Variants in SYT14 observed in about 807,000 individuals in gnomAD.
The protein encoded by SYT14 is synaptotagmin-14.
SYT14 carries 32 observed loss-of-function variants against 74.2 expected under a neutral mutation model. The ratio of observed to expected loss-of-function variants is 0.43; its 90% confidence interval spans 0.33 to 0.58. SYT14 has a LOEUF of 0.58. Among genes scored for constraint, SYT14 ranks in the 20% least tolerant of loss-of-function variants. SYT14 has a pLI of 0.05. For missense variants in SYT14, 791 were observed against 981.8 expected, an observed-to-expected ratio of 0.81 and a Z score of 2.60; for synonymous variants, 298 against 337.7, an observed-to-expected ratio of 0.88 and a Z score of 1.29.
intron 7 of SYT14, among the ~76,000 whole-genome samples, chr1:210,132,987 C>A (rs956714721): frequency 5.9e-5 from 9 of 152,192 alleles, no homozygotes; most frequent in African/African-American, 2.2e-4. Context: ...AATCTGTACA[C>A]CATTCTCTGA....
Position 210,100,461 on chromosome 1 carries a change from TGTGA to T in SYT14, c.2034+3_2034+6del. On this transcript the variant is annotated splice_donor_variant and splice_donor_region_variant and intron_variant, in intron 7 of 9. Coordinates refer to ENST00000637265, the Ensembl canonical transcript of SYT14. LOFTEE classifies it high-confidence loss of function. ...TATTGGAACCTTCTTACAATCATTC[TGTGA>T]GTATCTCATCAAATGGCCTGAATAC... 1.2e-6 allele frequency: 2 copies of T among 1,612,418 alleles called. No homozygotes were observed. The highest frequency in any genetic ancestry group is 1.7e-6 in the Non-Finnish European group (2 of 1,179,428).
In SYT14 at chr1:209,938,334, C is replaced by T. The variant is rs565263445; in HGVS notation, c.-534+57C>T. 6.0e-5 allele frequency: 91 copies of T among 1,515,028 alleles called. No homozygotes were observed. The African/African-American group carries it at 1.1e-3, about 18-fold the overall frequency. 93.8% of individuals were successfully genotyped at this position (1,515,028 alleles called of 1,614,324 possible). ...CCGGGACCACCCAGCTGGCGGGGGG[C>T]TCGGAGGTGCGCCGGCAGGCCGAGG... is the stretch of plus-strand genomic sequence containing the variant. On this transcript the variant is annotated intron_variant, in intron 1 of 9. Transcript: ENST00000637265.
At chr1:209,941,362 A>C (rs1180386062) in intron 1 of SYT14, among the ~76,000 whole-genome samples, 2 of 152,188 alleles carry the variant, frequency 1.3e-5, no homozygotes, top group East Asian at 3.8e-4. Context: ...GCATTTTGAA[A>C]TATTGACAAT....
chr1:210,083,297 T>G (rs889827485), intron 5 of SYT14, among the ~76,000 whole-genome samples: 25 of 152,150 alleles, frequency 1.6e-4, no homozygotes, highest in Non-Finnish European at 3.2e-4. Context: ...AGCCGAGTAA[T>G]GGATTATTTC....
chr1:210,163,530 C>T, exon 10 of SYT14: 1 of 453,452 alleles, frequency 2.2e-6, no homozygotes, highest in South Asian at 1.6e-5. Context: ...CAAAGGTGCC[C>T]TGGCTTTTTC....
intron 5 of SYT14, among the ~76,000 whole-genome samples, chr1:210,082,352 G>C (rs1027508768): frequency 1.3e-5 from 2 of 152,126 alleles, no homozygotes; most frequent in African/African-American, 4.8e-5. Flanking sequence ...GCAAAGTTGA[G>C]AACCGAAGAG....
intron 7 of SYT14, among the ~76,000 whole-genome samples, chr1:210,146,818 T>A (rs1337532276): frequency 6.6e-6 from 1 of 151,162 alleles, no homozygotes; most frequent in Non-Finnish European, 1.5e-5. Flanking sequence ...TACATATATA[T>A]ACTACATGCA....
intron 7 of SYT14, among the ~76,000 whole-genome samples, chr1:210,126,221 A>C (rs558355286): frequency 1.3e-5 from 2 of 152,176 alleles, no homozygotes; most frequent in South Asian, 2.1e-4. Context: ...AAAAACAGAA[A>C]GGCAACATCC....
At chr1:210,068,124 G>A (rs1412170704) in intron 5 of SYT14, among the ~76,000 whole-genome samples, 2 of 151,764 alleles carry the variant, frequency 1.3e-5, no homozygotes, top group African/African-American at 4.8e-5. Context: ...TTTGTTCCTA[G>A]TTTGCTAAAA....
chr1:210,086,313 G>T (rs1259388426), intron 5 of SYT14, among the ~76,000 whole-genome samples: 1 of 152,124 alleles, frequency 6.6e-6, no homozygotes, highest in Non-Finnish European at 1.5e-5. Context: ...AAGATACTGT[G>T]TAACTACGTA....
chr1:210,046,541 T>C (rs1177406026), intron 5 of SYT14, among the ~76,000 whole-genome samples: 1 of 152,164 alleles, frequency 6.6e-6, no homozygotes, highest in Non-Finnish European at 1.5e-5. Flanking sequence ...ACTCTCACCC[T>C]CAGTATCAGG....
At chr1:210,161,646 G>A (rs966591037) in exon 10 of SYT14, 15 of 453,678 alleles carry the variant, frequency 3.3e-5, no homozygotes, top group African/African-American at 2.6e-4. Context: ...GTGCAAACAA[G>A]TATTCATTTT....
At chr1:210,098,312 A>G (rs1005401692) in intron 6 of SYT14, among the ~76,000 whole-genome samples, 1 of 151,918 alleles carries the variant, frequency 6.6e-6, no homozygotes, top group Non-Finnish European at 1.5e-5. Flanking sequence ...CAACAAAAAG[A>G]CCCCTAGCCC....
chr1:210,149,115 G>A lies in SYT14; in HGVS notation c.2035-6606G>A, dbSNP rs572997736. ...AATGCTAATTAAATATGTTCATATC[G>A]AATACAGCAAAAAAGTGCATATGTA... On this transcript the variant is annotated intron_variant, in intron 7 of 9. Coordinates refer to ENST00000637265, the Ensembl canonical transcript of SYT14. Among the ~76,000 whole-genome samples, 69 of 149,742 alleles carry A rather than the reference G, an allele frequency of 4.6e-4. 1 individual carries two copies. The highest frequency in any genetic ancestry group is 1.7e-3 in the African/African-American group (69 of 40,728).
intron 7 of SYT14, among the ~76,000 whole-genome samples, chr1:210,111,982 G>A (rs1284890699): frequency 6.6e-6 from 1 of 151,150 alleles, no homozygotes; most frequent in Non-Finnish European, 1.5e-5. Flanking sequence ...GGGCATGAAG[G>A]TTTCACTGAA....
At chr1:210,059,153 A>G (rs1204041050) in intron 5 of SYT14, among the ~76,000 whole-genome samples, 2 of 152,006 alleles carry the variant, frequency 1.3e-5, no homozygotes, top group East Asian at 3.9e-4. Context: ...TTTAAATTCT[A>G]CTAGATTCTT....
chr1:210,121,793 CAAA>C (rs71146207), intron 7 of SYT14, among the ~76,000 whole-genome samples: 6 of 92,546 alleles, frequency 6.5e-5, no homozygotes, highest in African/African-American at 1.7e-4. Flanking sequence ...GACCCCATTT[CAAA>C]AAAAAAAAAA....
chr1:210,078,818 C>T (rs1401393059), intron 5 of SYT14, among the ~76,000 whole-genome samples: 1 of 151,532 alleles, frequency 6.6e-6, no homozygotes, highest in Non-Finnish European at 1.5e-5. Context: ...GTTATCATGG[C>T]TCACTGTAGC....
At chr1:209,958,501 G>T (rs959503109) in intron 2 of SYT14, among the ~76,000 whole-genome samples, 2 of 151,878 alleles carry the variant, frequency 1.3e-5, no homozygotes, top group African/African-American at 4.8e-5. Flanking sequence ...TTAAAATACT[G>T]AGATTTCTTA....
Sources: allele counts gnomAD v4.1 joint callset (sites outside exome capture counted in the v4.1 genomes callset), GRCh38; gene constraint gnomAD v4.1.1; transcripts MANE v1.5; gene names NCBI Gene and HGNC (gene_info 2026-07-23, HGNC 2026-07-21).